Variants in GRIA2 observed in about 807,000 individuals in gnomAD.
GRIA2 encodes glutamate ionotropic receptor AMPA type subunit 2.
A neutral mutation model predicts 97.3 loss-of-function variants in GRIA2; 14 were observed. That is an observed-to-expected ratio of 0.14 (90% confidence interval 0.10 to 0.23). GRIA2 has a LOEUF of 0.23. Among genes scored for constraint, GRIA2 ranks in the 10% least tolerant of loss-of-function variants. The probability of loss-of-function intolerance (pLI) is 1.00; values close to 1 mark genes in which losing one functional copy is unlikely to be tolerated. For missense variants in GRIA2, 558 were observed against 1,069.8 expected (o/e 0.52, Z 6.67); for synonymous variants, 412 against 387.8 (o/e 1.06, Z -0.73).
intron 3 of GRIA2, among the ~76,000 whole-genome samples, chr4:157,306,580 T>C (rs1733855228): frequency 6.6e-6 from 1 of 152,198 alleles, no homozygotes; most frequent in Non-Finnish European, 1.5e-5. Context: ...GCTATTGATG[T>C]TTTAATGTGA....
chr4:157,268,161 A>T (rs765689882), intron 2 of GRIA2, among the ~76,000 whole-genome samples: 4 of 152,082 alleles, frequency 2.6e-5, no homozygotes, highest in Admixed American at 6.6e-5. Flanking sequence ...CTTTAATAGT[A>T]TTTGAGTTAT....
At chr4:157,315,376 CCAA>C (rs773076104) in intron 4 of GRIA2, among the ~76,000 whole-genome samples, 38 of 144,114 alleles carry the variant, frequency 2.6e-4, no homozygotes, top group African/African-American at 4.6e-4. Flanking sequence ...AAGGTACATT[CCAA>C]AAAAAAAAAA....
chr4:157,274,830 G>A (rs903385029), intron 2 of GRIA2, among the ~76,000 whole-genome samples: 5 of 151,910 alleles, frequency 3.3e-5, no homozygotes, highest in Admixed American at 6.6e-5. Context: ...ATAAACATAC[G>A]TATGCATGTG....
chr4:157,309,186 G>A (rs1733964424), intron 3 of GRIA2, among the ~76,000 whole-genome samples: 1 of 152,086 alleles, frequency 6.6e-6, no homozygotes, highest in Admixed American at 6.5e-5. Flanking sequence ...AGCACTACTT[G>A]AGCAGTTTAG....
chr4:157,339,775 G>C (rs577489869), intron 11 of GRIA2, among the ~76,000 whole-genome samples: 1 of 151,998 alleles, frequency 6.6e-6, no homozygotes, highest in East Asian at 1.9e-4. Context: ...TATATGATAT[G>C]TGTCATATAA....
chr4:157,293,970 T>G (rs1733223318), intron 2 of GRIA2, among the ~76,000 whole-genome samples: 1 of 152,152 alleles, frequency 6.6e-6, no homozygotes, highest in African/African-American at 2.4e-5. Flanking sequence ...TATATGATTT[T>G]GCATTATACT....
At chr4:157,338,024 A>ATATATATATATATGTG (rs1735374662) in intron 11 of GRIA2, among the ~76,000 whole-genome samples, 1 of 12,034 alleles carries the variant, frequency 8.3e-5, no homozygotes, top group Non-Finnish European at 3.0e-4. Flanking sequence ...ATATATATAT[A>ATATATATATATATGTG]TATATATATA....
intron 3 of GRIA2, among the ~76,000 whole-genome samples, chr4:157,306,890 AAGAATG>A (rs1420045915): frequency 6.6e-6 from 1 of 152,156 alleles, no homozygotes; most frequent in Non-Finnish European, 1.5e-5. Flanking sequence ...ACATGATTTG[AAGAATG>A]CACCTGTGTT....
chr4:157,293,013 A>G (rs1733176791), intron 2 of GRIA2, among the ~76,000 whole-genome samples: 1 of 152,154 alleles, frequency 6.6e-6, no homozygotes, highest in Non-Finnish European at 1.5e-5. Flanking sequence ...ACAAAAATGA[A>G]ATGTCATTTT....
At chr4:157,353,388 G>C (rs151100638) in intron 12 of GRIA2, among the ~76,000 whole-genome samples, 217 of 146,334 alleles carry the variant, frequency 1.5e-3, no homozygotes, top group African/African-American at 5.2e-3. Context: ...CCTTATAGTT[G>C]GCCAGGGCGT....
chr4:157,359,531 A>G (rs1736544187), intron 12 of GRIA2, among the ~76,000 whole-genome samples: 1 of 152,144 alleles, frequency 6.6e-6, no homozygotes, highest in Non-Finnish European at 1.5e-5. Flanking sequence ...GGAATCGACC[A>G]TTTAGGATTT....
intron 3 of GRIA2, among the ~76,000 whole-genome samples, chr4:157,307,758 A>C (rs1349002207): frequency 2.0e-5 from 3 of 152,224 alleles, no homozygotes; most frequent in Non-Finnish European, 4.4e-5. Context: ...CAGAATTAGC[A>C]CTTTATATCT....
rs1729772785 is a variant in GRIA2 at position 157,226,917 on chromosome 4, G to A, written c.229+5110G>A. ...TCAGTTATATTCAATTGCAGATTTT[G>A]AGGAAATGCCTCTTTGTATGTCAGA... is the stretch of plus-strand genomic sequence containing the variant. On this transcript the variant is annotated intron_variant, in intron 2 of 15. Coordinates refer to ENST00000264426, the MANE Select transcript of GRIA2 (RefSeq NM_001083619.3). Among the ~76,000 whole-genome samples, 2 of 152,140 alleles carry A rather than the reference G, an allele frequency of 1.3e-5. 1 individual carries two copies. Among genetic ancestry groups the A allele is most frequent in the South Asian group, 4.1e-4 (2 of 4,836 alleles).
chr4:157,286,335 T>C (rs1417858203), intron 2 of GRIA2, among the ~76,000 whole-genome samples: 1 of 151,574 alleles, frequency 6.6e-6, no homozygotes, highest in African/African-American at 2.4e-5. Flanking sequence ...TATTTGAAAA[T>C]GTCTATCAAA....
At chr4:157,362,202 T>C (rs1252406643) in intron 14 of GRIA2, among the ~76,000 whole-genome samples, 1 of 152,106 alleles carries the variant, frequency 6.6e-6, no homozygotes, top group African/African-American at 2.4e-5. Context: ...ATTCTAAACA[T>C]GTCCAAAGCC....
Position 157,254,013 on chromosome 4 carries a change from C to A in GRIA2, c.229+32206C>A, listed in dbSNP as rs187161769. On this transcript the variant is annotated intron_variant, in intron 2 of 15. Coordinates refer to ENST00000264426, the MANE Select transcript of GRIA2 (RefSeq NM_001083619.3). ...AAAAGAGTAAAAGTACACGCACACACACATACTTTCTTTTTTTTTTTCCCT... is the reference window on the plus strand; with the variant it reads ...AAAAGAGTAAAAGTACACGCACACAAACATACTTTCTTTTTTTTTTTCCCT... Among the ~76,000 whole-genome samples the A allele has an allele frequency of 1.7e-3, 263 of 151,592 alleles. 1 individual carries two copies. Among genetic ancestry groups the A allele is most frequent in the Non-Finnish European group, 3.0e-3 (204 of 67,852 alleles).
chr4:157,326,653 A>C (rs1476849566), intron 6 of GRIA2, among the ~76,000 whole-genome samples: 1 of 152,220 alleles, frequency 6.6e-6, no homozygotes, highest in Non-Finnish European at 1.5e-5. Flanking sequence ...CAATGATTCC[A>C]GATAAAGGAA....
chr4:157,355,981 T>TAA lies in GRIA2; in HGVS notation c.2044-3915_2044-3914insAA, dbSNP rs1190405410. ...TATTTATGTATATTAATATATATAT[T>TAA]TATATATTTATATATATTTATATAT... is the stretch of plus-strand genomic sequence containing the variant. On this transcript the variant is annotated intron_variant, in intron 12 of 15. Coordinates refer to ENST00000264426, the MANE Select transcript of GRIA2 (RefSeq NM_001083619.3). 1.1e-4 allele frequency among the ~76,000 whole-genome samples: 8 copies of TAA among 74,018 alleles called. 1 individual carries two copies. The highest frequency in any genetic ancestry group is 1.5e-4 in the African/African-American group (3 of 20,666). 48.6% of individuals were successfully genotyped at this position (74,018 alleles called of 152,430 possible). A position where few individuals can be genotyped will look rare whatever the true frequency, so the allele number is the denominator to read the frequency against.
At chr4:157,339,658 C>T (rs911484131) in intron 11 of GRIA2, among the ~76,000 whole-genome samples, 1 of 151,896 alleles carries the variant, frequency 6.6e-6, no homozygotes, top group African/African-American at 2.4e-5. Flanking sequence ...GATTCTTAAA[C>T]GTGTCATAAA....
Sources: gnomAD v4.1 joint callset for allele counts (sites outside exome capture counted in the v4.1 genomes callset) on GRCh38, gnomAD v4.1.1 for gene constraint, MANE v1.5 for transcripts, NCBI Gene and HGNC (gene_info 2026-07-23, HGNC 2026-07-21) for gene names.